Variants in ME3 observed in about 807,000 individuals in gnomAD.
The protein encoded by ME3 is NADP-dependent malic enzyme, mitochondrial.
In ME3, 48 loss-of-function variants were observed where a neutral mutation model predicts 68.9. That is an observed-to-expected ratio of 0.70 (90% confidence interval 0.55 to 0.89). ME3 has a LOEUF of 0.89. Ranked by LOEUF, ME3 falls within the 40% of genes least tolerant of loss-of-function variation. The pLI is 0.00. For missense variants in ME3, 675 were observed against 797.4 expected, an observed-to-expected ratio of 0.85 and a Z score of 1.85; for synonymous variants, 320 against 318.8, an observed-to-expected ratio of 1.00 and a Z score of -0.04.
chr11:86,534,788 G>A (rs1378774557), intron 4 of ME3, among the ~76,000 whole-genome samples: 1 of 152,148 alleles, frequency 6.6e-6, no homozygotes, highest in Non-Finnish European at 1.5e-5. Flanking sequence ...AGTGAGAATA[G>A]TTGAGTGGAC....
chr11:86,671,669 C>T (rs757612453), intron 2 of ME3, 93 bp downstream of exon 2: 2 of 1,498,256 alleles, frequency 1.3e-6, no homozygotes, highest in South Asian at 1.2e-5. Flanking sequence ...GAAGGGCGCC[C>T]GGGAGGATCC....
intron 4 of ME3, among the ~76,000 whole-genome samples, chr11:86,552,576 C>T (rs1168108365): frequency 6.6e-6 from 1 of 152,136 alleles, no homozygotes; most frequent in Non-Finnish European, 1.5e-5. Flanking sequence ...CTTGATGTTT[C>T]CTCCTAGTAA....
intron 7 of ME3, among the ~76,000 whole-genome samples, chr11:86,470,479 C>G (rs1950724525): frequency 6.6e-6 from 1 of 152,080 alleles, no homozygotes; most frequent in African/African-American, 2.4e-5. Context: ...ACTCTAGTCC[C>G]TTGAGATGGT....
intron 2 of ME3, among the ~76,000 whole-genome samples, chr11:86,613,266 G>A (rs958263312): frequency 1.3e-5 from 2 of 151,658 alleles, no homozygotes; most frequent in Non-Finnish European, 3.0e-5. Context: ...ATTGATCTAT[G>A]TGTCCCTTTA....
chr11:86,444,299 T>A (rs1949164781), intron 13 of ME3, among the ~76,000 whole-genome samples: 1 of 152,080 alleles, frequency 6.6e-6, no homozygotes, highest in South Asian at 2.1e-4. Flanking sequence ...GTTAGGTCGA[T>A]GTTAGGGAGA....
chr11:86,543,567 A>G (rs1322095730), intron 4 of ME3, among the ~76,000 whole-genome samples: 3 of 152,250 alleles, frequency 2.0e-5, no homozygotes, highest in Non-Finnish European at 2.9e-5. Context: ...AGGGCATTAC[A>G]TAATGGTAAA....
intron 8 of ME3, among the ~76,000 whole-genome samples, chr11:86,463,871 C>G (rs1950346635): frequency 6.6e-6 from 1 of 152,172 alleles, no homozygotes; most frequent in Non-Finnish European, 1.5e-5. Context: ...TGCCTGGGCT[C>G]AAATCTCAAC....
chr11:86,465,889 G>T (rs1305084743), intron 7 of ME3, among the ~76,000 whole-genome samples: 1 of 152,224 alleles, frequency 6.6e-6, no homozygotes, highest in African/African-American at 2.4e-5. Context: ...CACTCGGAGT[G>T]TGGGATGGGG....
chr11:86,637,389 A>G (rs1203950543), intron 2 of ME3, among the ~76,000 whole-genome samples: 7 of 150,980 alleles, frequency 4.6e-5, no homozygotes, highest in South Asian at 2.1e-4. Flanking sequence ...CAGCAGTGTG[A>G]TAAGTGCCAT....
At chr11:86,529,964 T>C (rs1463204572) in intron 4 of ME3, among the ~76,000 whole-genome samples, 1 of 152,186 alleles carries the variant, frequency 6.6e-6, no homozygotes, top group Non-Finnish European at 1.5e-5. Flanking sequence ...ATGCCCTCTC[T>C]CACCACTCCT....
intron 5 of ME3, among the ~76,000 whole-genome samples, chr11:86,501,377 C>T (rs1445970567): frequency 1.3e-5 from 2 of 152,070 alleles, no homozygotes; most frequent in Non-Finnish European, 2.9e-5. Flanking sequence ...TCCAGTTTAT[C>T]ATTAACACAG....
chr11:86,495,339 TTACAAGTTAGAG>T (rs1952253569), intron 6 of ME3, among the ~76,000 whole-genome samples: 1 of 152,224 alleles, frequency 6.6e-6, no homozygotes. Context: ...GGTGGATTTG[TTACAAGTTAGAG>T]CCAGCTCTAA....
chr11:86,478,925 G>A (rs1386924438), intron 7 of ME3, among the ~76,000 whole-genome samples: 4 of 152,092 alleles, frequency 2.6e-5, no homozygotes, highest in Non-Finnish European at 4.4e-5. Flanking sequence ...GGATTGCAAG[G>A]CCTATCTTAG....
chr11:86,488,010 T>C (rs1244039934), intron 6 of ME3, among the ~76,000 whole-genome samples: 1 of 152,102 alleles, frequency 6.6e-6, no homozygotes, highest in Non-Finnish European at 1.5e-5. Context: ...AGACCCCATC[T>C]CTACAAAAAA....
At chr11:86,469,144 A>AC (rs1950647226) in intron 7 of ME3, among the ~76,000 whole-genome samples, 1 of 152,162 alleles carries the variant, frequency 6.6e-6, no homozygotes, top group Non-Finnish European at 1.5e-5. Context: ...GAAAACATTG[A>AC]CCAGGGAGAC....
chr11:86,466,289 GATT>G (rs1164599630), intron 7 of ME3, among the ~76,000 whole-genome samples: 13 of 152,280 alleles, frequency 8.5e-5, no homozygotes, highest in African/African-American at 3.1e-4. Context: ...GTGTAGTATG[GATT>G]ATTAAAAACT....
At chr11:86,588,187 GAC>G (rs1958849741) in intron 2 of ME3, among the ~76,000 whole-genome samples, 1 of 152,214 alleles carries the variant, frequency 6.6e-6, no homozygotes, top group African/African-American at 2.4e-5. Context: ...GGGAGAGAGA[GAC>G]AAATAGTTTC....
intron 2 of ME3, among the ~76,000 whole-genome samples, chr11:86,671,541 A>T (rs1355556074): frequency 6.6e-6 from 1 of 152,240 alleles, no homozygotes; most frequent in East Asian, 1.9e-4. Context: ...ACTGCAGAAG[A>T]AATTAGGCTC....
At chr11:86,613,482 G>C (rs1189883815) in intron 2 of ME3, among the ~76,000 whole-genome samples, 1 of 152,124 alleles carries the variant, frequency 6.6e-6, no homozygotes, top group Non-Finnish European at 1.5e-5. Flanking sequence ...CATCAGGCAA[G>C]AGAAAGAAAT....
Sources: allele counts gnomAD v4.1 joint callset (sites outside exome capture counted in the v4.1 genomes callset), GRCh38; gene constraint gnomAD v4.1.1; transcripts MANE v1.5; gene names NCBI Gene and HGNC (gene_info 2026-07-23, HGNC 2026-07-21).